Variants in ADAMTSL1 observed in about 807,000 individuals in gnomAD.
The protein encoded by ADAMTSL1 is ADAMTS like 1.
Under a neutral mutation model 201.8 loss-of-function variants are expected in ADAMTSL1, and 126 were observed. The observed-to-expected ratio is 0.62, with a 90% confidence interval of 0.54 to 0.72. The LOEUF is 0.72. Ranked by LOEUF, ADAMTSL1 falls within the 30% of genes least tolerant of loss-of-function variation. ADAMTSL1 has a pLI of 0.00. For missense variants in ADAMTSL1, 2,679 were observed against 2,277.8 expected (o/e 1.18, Z -3.59); for synonymous variants, 1,121 against 903.4 (o/e 1.24, Z -4.32).
intron 9 of ADAMTSL1, among the ~76,000 whole-genome samples, chr9:18,673,216 T>G (rs1829933706): frequency 6.6e-6 from 1 of 152,200 alleles, no homozygotes; most frequent in African/African-American, 2.4e-5. Context: ...TCATTATTCT[T>G]TATGATTCAC....
rs573324178 is a variant in ADAMTSL1 at position 17,989,140 on chromosome 9, T to C, written c.87+82218T>C. 2.6e-5 allele frequency among the ~76,000 whole-genome samples: 4 copies of C among 152,114 alleles called. No individual in the cohort carries two copies. In the East Asian group the frequency reaches 7.7e-4, roughly 29 times the overall value. On this transcript the variant is annotated intron_variant, in intron 1 of 29. Coordinates refer to the ADAMTSL1 transcript ENST00000680146. Reference sequence around the variant, plus strand: ...CTTTATTTAAAAAACAAATTATGTTTATTACAGAAAAATCAGAGAATGTAA... The same window carrying C: ...CTTTATTTAAAAAACAAATTATGTTCATTACAGAAAAATCAGAGAATGTAA...
At chr9:18,006,901 C>T (rs1458731223) in intron 1 of ADAMTSL1, among the ~76,000 whole-genome samples, 1 of 151,970 alleles carries the variant, frequency 6.6e-6, no homozygotes, top group Non-Finnish European at 1.5e-5. Context: ...TGCTTTGTTT[C>T]ACTGTTGATC....
chr9:18,592,193 G>A (rs567832863), intron 4 of ADAMTSL1, among the ~76,000 whole-genome samples: 1 of 151,972 alleles, frequency 6.6e-6, no homozygotes, highest in African/African-American at 2.4e-5. Flanking sequence ...TTTTTTTGGT[G>A]CAAGTTTGGT....
intron 2 of ADAMTSL1, among the ~76,000 whole-genome samples, chr9:18,232,660 C>T (rs1264324886): frequency 2.6e-5 from 4 of 152,098 alleles, no homozygotes; most frequent in African/African-American, 9.7e-5. Flanking sequence ...GAGTTTGACT[C>T]ATTCATATTC....
At chr9:18,244,851 A>G (rs1250752519) in intron 2 of ADAMTSL1, among the ~76,000 whole-genome samples, 4 of 152,002 alleles carry the variant, frequency 2.6e-5, no homozygotes, top group Admixed American at 6.6e-5. Context: ...CCCTACTGTA[A>G]CCTCATTATG....
chr9:18,790,704 A>C (rs768563773), intron 19 of ADAMTSL1, among the ~76,000 whole-genome samples: 1 of 152,180 alleles, frequency 6.6e-6, no homozygotes, highest in Non-Finnish European at 1.5e-5. Context: ...CATGCTTGTG[A>C]AGGCATATTG....
chr9:18,640,911 G>C (rs192984283), intron 7 of ADAMTSL1, among the ~76,000 whole-genome samples: 1 of 151,962 alleles, frequency 6.6e-6, no homozygotes, highest in Non-Finnish European at 1.5e-5. Context: ...TTCAGAGTGC[G>C]TTTCCTAAAA....
chr9:17,947,467 T>G (rs1375900718), intron 1 of ADAMTSL1, among the ~76,000 whole-genome samples: 1 of 152,022 alleles, frequency 6.6e-6, no homozygotes, highest in Admixed American at 6.6e-5. Context: ...AAAAACCATG[T>G]TTTTACTAGG....
intron 1 of ADAMTSL1, among the ~76,000 whole-genome samples, chr9:17,937,229 C>CGGTG (rs1827045854): frequency 6.6e-6 from 1 of 152,082 alleles, no homozygotes; most frequent in Admixed American, 6.5e-5. Flanking sequence ...CAGCACATTG[C>CGGTG]GGTGGGCCCT....
At chr9:18,271,840 G>T (rs1457919309) in intron 2 of ADAMTSL1, among the ~76,000 whole-genome samples, 2 of 152,180 alleles carry the variant, frequency 1.3e-5, no homozygotes, top group Middle Eastern at 6.8e-3. Context: ...AGCACCTGTT[G>T]TTTCCTGACT....
chr9:18,594,035 T>G (rs890199543), intron 4 of ADAMTSL1, among the ~76,000 whole-genome samples: 49 of 152,160 alleles, frequency 3.2e-4, no homozygotes, highest in African/African-American at 1.2e-3. Flanking sequence ...GTTTTTTGTT[T>G]TTTTGTTGTT....
chr9:18,037,409 A>T (rs1464859136), intron 1 of ADAMTSL1, among the ~76,000 whole-genome samples: 1 of 152,184 alleles, frequency 6.6e-6, no homozygotes, highest in Non-Finnish European at 1.5e-5. Flanking sequence ...ATCAGTCTGG[A>T]GGTAGAGATG....
chr9:18,310,389 A>AC, intron 2 of ADAMTSL1, among the ~76,000 whole-genome samples: 3 of 141,094 alleles, frequency 2.1e-5, no homozygotes, highest in South Asian at 2.2e-4. Flanking sequence ...AAAAAAAAAA[A>AC]AAAAAAAAAA....
At chr9:18,135,213 G>A (rs968249179) in intron 1 of ADAMTSL1, among the ~76,000 whole-genome samples, 1 of 152,144 alleles carries the variant, frequency 6.6e-6, no homozygotes, top group South Asian at 2.1e-4. Flanking sequence ...AACATAAAAC[G>A]CTGCAGTTAG....
At chr9:17,950,593 C>T (rs1230635895) in intron 1 of ADAMTSL1, among the ~76,000 whole-genome samples, 1 of 151,646 alleles carries the variant, frequency 6.6e-6, no homozygotes, top group Non-Finnish European at 1.5e-5. Flanking sequence ...TCACACTATA[C>T]TTTTATGATC....
chr9:18,406,299 C>CTTTTCTTTTCTTTTCTTTTCTTTTA (rs1183898587), intron 2 of ADAMTSL1, among the ~76,000 whole-genome samples: 3 of 90,122 alleles, frequency 3.3e-5, no homozygotes, highest in Non-Finnish European at 6.4e-5. Flanking sequence ...TTTTTCTTTT[C>CTTTTCTTTTCTTTTCTTTTCTTTTA]TTTTCTTTTC....
intron 2 of ADAMTSL1, among the ~76,000 whole-genome samples, chr9:18,463,833 T>C (rs746213860): frequency 7.2e-5 from 11 of 152,358 alleles, no homozygotes; most frequent in Non-Finnish European, 1.0e-4. Context: ...CGTACAAATA[T>C]CTGTTTGAAT....
upstream of ADAMTSL1, among the ~76,000 whole-genome samples, chr9:18,469,299 C>G (rs893221906): frequency 2.0e-5 from 3 of 152,290 alleles, no homozygotes; most frequent in African/African-American, 7.2e-5. Context: ...GGGTTCAGAT[C>G]TTGGCCCTTT....
intron 1 of ADAMTSL1, among the ~76,000 whole-genome samples, chr9:17,989,744 T>TACCC (rs1819074382): frequency 2.0e-5 from 3 of 151,984 alleles, no homozygotes; most frequent in Non-Finnish European, 4.4e-5. Context: ...GGTATTTGTT[T>TACCC]ATTTCTAGAA....
Sources: gnomAD v4.1 joint callset for allele counts (sites outside exome capture counted in the v4.1 genomes callset) on GRCh38, gnomAD v4.1.1 for gene constraint, MANE v1.5 for transcripts, NCBI Gene and HGNC (gene_info 2026-07-23, HGNC 2026-07-21) for gene names.